SANBR: variants seen among roughly 807,000 people sequenced by gnomAD.
SANBR encodes SANT and BTB domain regulator of class switch recombination.
A neutral mutation model predicts 101.8 loss-of-function variants in SANBR; 77 were observed. The ratio of observed to expected loss-of-function variants is 0.76; its 90% CI spans 0.63 to 0.91. The LOEUF is 0.91. Ranked by LOEUF, SANBR falls within the 40% of genes least tolerant of loss-of-function variation. SANBR has a pLI of 0.00. For missense variants in SANBR, 875 were observed against 853.0 expected (o/e 1.03, Z -0.32); for synonymous variants, 279 against 274.7 (o/e 1.02, Z -0.15).
chr2:61,136,296 T>G (rs1559163350), intron 21 of SANBR, among the ~76,000 whole-genome samples: 1 of 142,860 alleles, frequency 7.0e-6, no homozygotes, highest in Non-Finnish European at 1.5e-5. Flanking sequence ...AGAGCGAGAC[T>G]CGTCTGAAAA....
At chr2:61,092,716 G>A in intron 11 of SANBR, 129 bp downstream of exon 11, 1 of 712,734 alleles carries the variant, frequency 1.4e-6, no homozygotes, top group Admixed American at 3.6e-5. Flanking sequence ...AGAAACTAGT[G>A]GCAGCTGGGC....
At chr2:61,070,263 A>T in intron 2 of SANBR, 79 bp from the exon 3 acceptor site, 2 of 1,049,900 alleles carry the variant, frequency 1.9e-6, no homozygotes, top group South Asian at 3.7e-5. Flanking sequence ...ATTAGGAATG[A>T]ATTATAACTG....
intron 17 of SANBR, 23 bp from the exon 18 acceptor site, chr2:61,117,334 T>C (rs1684121212): frequency 6.2e-7 from 1 of 1,609,732 alleles, no homozygotes; most frequent in Non-Finnish European, 8.5e-7. Flanking sequence ...AATTGGGCCT[T>C]AATGTTGTCT....
In SANBR at chr2:61,106,594, G is replaced by T; in HGVS notation, c.1543G>T (p.Gly515Cys). Residue 515 changes from glycine (G) to cysteine (C), a missense_variant, in exon 14 of 22, where the codon GGT becomes TGT. Physicochemically the swap from Gly to Cys is radical, Grantham distance 159. Coordinates refer to ENST00000402291, the MANE Select transcript of SANBR (RefSeq NM_001129993.3). ...DVGVGLCDEK[G>C]IECDVLLEPN... ...TGGGGTTGGCCTCTGTGATGAAAAG[G>T]GTATAGAATGTGATGTTTTACTGGA... The T allele has an allele frequency of 6.2e-7, 1 of 1,602,072 alleles. No individual in the cohort carries two copies. Among genetic ancestry groups the T allele is most frequent in the Non-Finnish European group, 8.5e-7 (1 of 1,176,178 alleles).
intron 8 of SANBR, among the ~76,000 whole-genome samples, chr2:61,085,974 C>T (rs151078205): frequency 1.6e-3 from 250 of 152,266 alleles, no homozygotes; most frequent in Admixed American, 4.5e-3. Context: ...TTCTCACAAT[C>T]ACATAAACCT....
rs1225887073 is a variant in SANBR at position 61,079,553 on chromosome 2, G to A, written c.671-1899G>A. ...GTCCTTAAATAAAAATTACAAGATT[G>A]CTAAATCAAAAATTTCAGCCAGAAT... On this transcript the variant is annotated intron_variant, in intron 6 of 21. Coordinates refer to ENST00000402291, the MANE Select transcript of SANBR (RefSeq NM_001129993.3). Among the ~76,000 whole-genome samples the A allele has an allele frequency of 2.6e-5, 4 of 152,044 alleles. No homozygotes were observed. The East Asian group carries it at 7.7e-4, about 29-fold the overall frequency.
intron 13 of SANBR, among the ~76,000 whole-genome samples, chr2:61,104,210 C>A (rs147447277): frequency 6.6e-6 from 1 of 152,066 alleles, no homozygotes; most frequent in Non-Finnish European, 1.5e-5. Context: ...TGGCTGGGCG[C>A]GGTGGCTCAC....
rs542242094 is a variant in SANBR at position 61,124,019 on chromosome 2, G to C, written c.*1857G>C. On this transcript the variant is annotated 3_prime_UTR_variant, in exon 22 of 22. Coordinates refer to ENST00000402291, the MANE Select transcript of SANBR (RefSeq NM_001129993.3). ...TGAGGCACAAGAATTGTTTGAACCCGGGTGGCAGAGGTTGCAGTGAGCTGA... is the reference window on the plus strand; with the variant it reads ...TGAGGCACAAGAATTGTTTGAACCCCGGTGGCAGAGGTTGCAGTGAGCTGA... 6.9e-6 allele frequency: 3 copies of C among 431,736 alleles called. No individual in the cohort carries two copies. Among genetic ancestry groups the C allele is most frequent in the Non-Finnish European group, 9.2e-6 (3 of 324,458 alleles). 26.7% of individuals were successfully genotyped at this position (431,736 alleles called of 1,614,324 possible).
chr2:61,083,110 C>T, intron 7 of SANBR, 44 bp from the exon 8 acceptor site: 2 of 1,401,804 alleles, frequency 1.4e-6, no homozygotes, highest in Non-Finnish European at 2.0e-6. Flanking sequence ...TGACATTGTC[C>T]TTCATGCTAC....
Position 61,076,961 on chromosome 2 carries a change from TG to T in SANBR, c.474del (p.Glu160LysfsTer10). The T allele has an allele frequency of 6.2e-7, 1 of 1,614,106 alleles. No homozygotes were observed. The highest frequency in any genetic ancestry group is 8.5e-7 in the Non-Finnish European group (1 of 1,180,014). On this transcript the variant is annotated frameshift_variant, in exon 6 of 22. Transcript: ENST00000402291. LOFTEE classifies it high-confidence loss of function. ...VIHVCDEAKN[L>X]KEDFTCPRDL... Reference sequence around the variant, plus strand: ...CATGTGTGTGATGAAGCAAAAAACTTGAAAGAAGATTTTACTTGCCCGCGAG... The same window carrying T: ...CATGTGTGTGATGAAGCAAAAAACTTAAAGAAGATTTTACTTGCCCGCGAG...
intron 1 of SANBR, chr2:61,066,238 T>A (rs1681147112): frequency 6.5e-6 from 1 of 152,954 alleles, no homozygotes; most frequent in Admixed American, 6.5e-5. Context: ...ACCCGCCCGG[T>A]CCATGTCCCT....
At position 61,124,060 on chromosome 2, in the gene SANBR, C is replaced by T; in HGVS notation, c.*1898C>T. 5.3e-6 allele frequency: 4 copies of T among 753,888 alleles called. No homozygotes were observed. Among genetic ancestry groups the T allele is most frequent in the Non-Finnish European group, 6.5e-6 (4 of 618,794 alleles). 46.7% of individuals were successfully genotyped at this position (753,888 alleles called of 1,614,324 possible). A position where few individuals can be genotyped will look rare whatever the true frequency, so the allele number is the denominator to read the frequency against. On this transcript the variant is annotated 3_prime_UTR_variant, in exon 22 of 22. Coordinates refer to ENST00000402291, the MANE Select transcript of SANBR (RefSeq NM_001129993.3). ...AGTGAGCTGAGATCATGTTTCTGCG[C>T]TCCTAGCCTGGGTGACAGAGCAAGA...
intron 7 of SANBR, among the ~76,000 whole-genome samples, chr2:61,081,855 C>T (rs1309884502): frequency 6.6e-6 from 1 of 152,096 alleles, no homozygotes; most frequent in Non-Finnish European, 1.5e-5. Context: ...TGCTTTGTTG[C>T]CTAGGCTGGT....
chr2:61,097,954 G>A, intron 12 of SANBR, 102 bp downstream of exon 12: 1 of 927,646 alleles, frequency 1.1e-6, no homozygotes. Context: ...ATAGTAAGAA[G>A]CCGTTCCTCT....
In SANBR at chr2:61,123,026, G is replaced by T. The variant is rs1158922781; in HGVS notation, c.*864G>T. ...TAAAACAGTTATACTTGCTAGTTCG[G>T]TCTAAAATTTTCCAAATACATTAGA... On this transcript the variant is annotated 3_prime_UTR_variant, in exon 22 of 22. Coordinates refer to ENST00000402291, the MANE Select transcript of SANBR (RefSeq NM_001129993.3). 1.0e-6 allele frequency: 1 copy of T among 980,570 alleles called. No individual in the cohort carries two copies. The highest frequency in any genetic ancestry group is 1.1e-4 in the East Asian group (1 of 8,940). 60.7% of individuals were successfully genotyped at this position (980,570 alleles called of 1,614,324 possible). A position where few individuals can be genotyped will look rare whatever the true frequency, so the allele number is the denominator to read the frequency against.
intron 10 of SANBR, 53 bp from the exon 11 acceptor site, chr2:61,092,411 A>G: frequency 2.9e-6 from 4 of 1,358,262 alleles, no homozygotes; most frequent in Non-Finnish European, 2.9e-6. Flanking sequence ...AAATAAATAA[A>G]TAAAACAAAT....
chr2:61,077,079 C>T lies in SANBR; in HGVS notation c.591C>T (p.Asp197=), dbSNP rs756973200. 5.6e-6 allele frequency: 9 copies of T among 1,613,902 alleles called. No individual in the cohort carries two copies. The highest frequency in any genetic ancestry group is 1.7e-5 in the Admixed American group (1 of 59,988). ...WEEVDISVHC[D]VHIFNWLIKY... Reference sequence around the variant, plus strand: ...AGGTGGACATTTCAGTTCATTGCGACGTTCACATTTTCAACTGGTTGATAA... The same window carrying T: ...AGGTGGACATTTCAGTTCATTGCGATGTTCACATTTTCAACTGGTTGATAA... Residue 197 remains aspartate, a synonymous_variant, in exon 6 of 22, where the codon GAC becomes GAT. Coordinates refer to ENST00000402291, the MANE Select transcript of SANBR (RefSeq NM_001129993.3).
intron 16 of SANBR, among the ~76,000 whole-genome samples, chr2:61,112,651 A>G (rs1283657885): frequency 1.3e-5 from 2 of 151,804 alleles, no homozygotes; most frequent in African/African-American, 4.8e-5. Context: ...GCACCACCAC[A>G]CTGGGCTACT....
chr2:61,071,633 A>G lies in SANBR; in HGVS notation c.178A>G (p.Ser60Gly), dbSNP rs1461240835. ...TGCAAAAAGGTTTGATGAATTAAAG[A>G]GCAGTGGAAGCTCGCCTGTTGACAA... The part of the protein sequence containing the change: ...ECAKRFDELK[S>G]SGSSPVDNQY... Residue 60 changes from serine to glycine, a missense_variant, in exon 4 of 22, where the codon AGC (serine) becomes GGC (glycine). By Grantham distance (56) the Ser-to-Gly change is moderately conservative. Coordinates refer to ENST00000402291, the MANE Select transcript of SANBR (RefSeq NM_001129993.3). The G allele has an allele frequency of 3.2e-6, 5 of 1,571,522 alleles. No individual in the cohort carries two copies. Among genetic ancestry groups the G allele is most frequent in the Admixed American group, 4.2e-5 (2 of 47,608 alleles).
Sources: gnomAD v4.1 joint callset for allele counts (sites outside exome capture counted in the v4.1 genomes callset) on GRCh38, gnomAD v4.1.1 for gene constraint, MANE v1.5 for transcripts, NCBI Gene and HGNC (gene_info 2026-07-23, HGNC 2026-07-21) for gene names.